Variants in HSP90AA1 observed in about 807,000 individuals in gnomAD.
HSP90AA1 encodes the protein heat shock protein HSP 90-alpha.
Under a neutral mutation model 73.3 loss-of-function variants are expected in HSP90AA1, and 18 were observed. The ratio of observed to expected loss-of-function variants is 0.25; its 90% CI spans 0.17 to 0.36. The LOEUF is 0.36. Among genes scored for constraint, HSP90AA1 ranks in the 10% least tolerant of loss-of-function variants. The probability of loss-of-function intolerance (pLI) is 1.00; values close to 1 mark genes in which losing one functional copy is unlikely to be tolerated. For missense variants in HSP90AA1, 704 were observed against 874.2 expected, an observed-to-expected ratio of 0.81 and a Z score of 2.45; for synonymous variants, 477 against 296.9, an observed-to-expected ratio of 1.61 and a Z score of -6.24.
intron 8 of HSP90AA1, 88 bp downstream of exon 8, chr14:102,083,458 A>T (rs1252168461): frequency 2.1e-6 from 3 of 1,439,036 alleles, no homozygotes; most frequent in South Asian, 1.1e-5. Context: ...TACCAGTTGT[A>T]ACAGTGCTAC....
intron 2 of HSP90AA1, among the ~76,000 whole-genome samples, chr14:102,099,781 TG>T (rs1317512108): frequency 2.6e-5 from 4 of 152,230 alleles, no homozygotes. Flanking sequence ...AGCCCGTTAG[TG>T]CTACTGCCCA....
intron 1 of HSP90AA1, among the ~76,000 whole-genome samples, chr14:102,130,740 G>GT (rs2152626784): frequency 6.6e-6 from 1 of 151,966 alleles, no homozygotes; most frequent in Non-Finnish European, 1.5e-5. Flanking sequence ...GTTAATTTTT[G>GT]TTTTTTTGAG....
At chr14:102,090,206 T>A (rs538109261), upstream of HSP90AA1, among the ~76,000 whole-genome samples, 1 of 152,216 alleles carries the variant, frequency 6.6e-6, no homozygotes, top group African/African-American at 2.4e-5. Context: ...CACCATTCCC[T>A]CTGTTCTTCT....
rs1255249174 is a variant in HSP90AA1 at position 102,083,547 on chromosome 14, T to C, written c.1485A>G (p.Thr495=). 3 of 1,613,298 alleles carry C rather than the reference T, an allele frequency of 1.9e-6. No homozygotes were observed. The highest frequency in any genetic ancestry group is 1.7e-5 in the Admixed American group (1 of 60,002). ...KENQKHIYYI[T]GETKDQVANS... is the part of the protein sequence containing the mutation. The stretch of plus-strand genomic sequence containing the variant: ...GACTGTAACATAGTGTTCTCTTACC[T>C]GTGATATAATAGATATGTTTCTGGT... Residue 495 remains threonine, a splice_region_variant and synonymous_variant, in exon 8 of 11, where the codon ACA becomes ACG. Transcript: ENST00000216281.
chr14:102,090,156 C>T (rs1164975862), upstream of HSP90AA1, among the ~76,000 whole-genome samples: 1 of 152,206 alleles, frequency 6.6e-6, no homozygotes, highest in Non-Finnish European at 1.5e-5. Flanking sequence ...CATGACTCGC[C>T]CCCACGAGGC....
At chr14:102,133,582 C>T (rs1344902453) in intron 1 of HSP90AA1, among the ~76,000 whole-genome samples, 2 of 149,928 alleles carry the variant, frequency 1.3e-5, no homozygotes, top group South Asian at 2.1e-4. Context: ...CTCCCAGGTT[C>T]AAGTGATTCT....
At position 102,083,232 on chromosome 14, in the gene HSP90AA1, G is replaced by C. The variant is rs1431488729; in HGVS notation, c.1557C>G (p.Ile519Met). The C allele has an allele frequency of 3.1e-6, 5 of 1,613,876 alleles. No homozygotes were observed. Among genetic ancestry groups the C allele is most frequent in the Non-Finnish European group, 4.2e-6 (5 of 1,179,958 alleles). Reference protein sequence around the residue: ...ERLRKHGLEVIYMIEPIDEYC... With the variant: ...ERLRKHGLEVMYMIEPIDEYC... ...ACTCATCAATGGGCTCAATCATATA[G>C]ATCACTTCTAAGCCATGTTTCCGAA... The change falls in exon 9 of 11, where the codon ATC (isoleucine) becomes ATG (methionine). Residue 519 changes from isoleucine (I) to methionine (M), a missense_variant. Ile to Met is a conservative substitution (Grantham distance 10). Coordinates refer to ENST00000216281, the MANE Select transcript of HSP90AA1 (RefSeq NM_005348.4).
At chr14:102,095,787 G>A (rs530647075) in intron 2 of HSP90AA1, among the ~76,000 whole-genome samples, 2 of 152,238 alleles carry the variant, frequency 1.3e-5, no homozygotes, top group Admixed American at 6.5e-5. Context: ...CTTTCTCTCT[G>A]TGCTTAGGGT....
rs2049626913 is a variant in HSP90AA1 at position 102,110,546 on chromosome 14, A to G, written c.156-8461T>C. Among the ~76,000 whole-genome samples, 3 of 151,172 alleles carry G rather than the reference A, an allele frequency of 2.0e-5. No individual in the cohort carries two copies. The South Asian group carries it at 6.3e-4, about 32-fold the overall frequency. ...GCAATTCTCCTGCCTCAGCCTCCCA[A>G]GCAGCTGGGATTACAGGCGCCCACC... On this transcript the variant is annotated intron_variant, in intron 1 of 11. Coordinates refer to the HSP90AA1 transcript ENST00000334701.
At chr14:102,137,574 C>T (rs1034590345) in intron 1 of HSP90AA1, among the ~76,000 whole-genome samples, 3 of 151,972 alleles carry the variant, frequency 2.0e-5, no homozygotes, top group African/African-American at 4.8e-5. Flanking sequence ...CTGCCCGCCT[C>T]GGCCTCCCAA....
intron 1 of HSP90AA1, among the ~76,000 whole-genome samples, chr14:102,118,677 C>T (rs2077411448): frequency 6.6e-6 from 1 of 152,054 alleles, no homozygotes; most frequent in African/African-American, 2.4e-5. Flanking sequence ...AAATCACATA[C>T]AAAATTCTTA....
chr14:102,127,091 A>G (rs2049849143), intron 1 of HSP90AA1, among the ~76,000 whole-genome samples: 1 of 150,958 alleles, frequency 6.6e-6, no homozygotes, highest in African/African-American at 2.4e-5. Context: ...ATAAGTACTT[A>G]TAATTATATA....
At chr14:102,126,235 T>C (rs766400506) in intron 1 of HSP90AA1, among the ~76,000 whole-genome samples, 8 of 152,220 alleles carry the variant, frequency 5.3e-5, no homozygotes, top group Admixed American at 2.6e-4. Flanking sequence ...ATCTCACTTA[T>C]GCAAAAGCAT....
At chr14:102,105,984 G>T (rs570529874) in intron 1 of HSP90AA1, among the ~76,000 whole-genome samples, 1 of 152,220 alleles carries the variant, frequency 6.6e-6, no homozygotes, top group South Asian at 2.1e-4. Flanking sequence ...GCTGAGGCAG[G>T]AGAATTGCTT....
chr14:102,137,394 C>T (rs2050015777), intron 1 of HSP90AA1, among the ~76,000 whole-genome samples: 1 of 151,922 alleles, frequency 6.6e-6, no homozygotes, highest in South Asian at 2.1e-4. Flanking sequence ...GGTGCCATCT[C>T]GGCTCATTGC....
intron 2 of HSP90AA1, among the ~76,000 whole-genome samples, chr14:102,101,233 A>G (rs1388448915): frequency 6.6e-6 from 1 of 152,226 alleles, no homozygotes; most frequent in Non-Finnish European, 1.5e-5. Flanking sequence ...CAGAAGGAAC[A>G]CAGATGAATG....
chr14:102,139,226 C>A (rs780350898), intron 1 of HSP90AA1: 18 of 1,613,784 alleles, frequency 1.1e-5, no homozygotes, highest in Non-Finnish European at 1.5e-5. Context: ...CATAGTGAAG[C>A]GTAAATCTTG....
Position 102,081,181 on chromosome 14 carries a change from T to TC in HSP90AA1, c.*530dup, listed in dbSNP as rs1162015542. 1 of 235,416 alleles carries TC rather than the reference T, an allele frequency of 4.2e-6. No individual in the cohort carries two copies. Among genetic ancestry groups the TC allele is most frequent in the African/African-American group, 2.2e-5 (1 of 44,960 alleles). The allele number at this position is 235,416 out of a possible 1,614,324, so 14.6% of individuals were successfully genotyped here. A position where few individuals can be genotyped will look rare whatever the true frequency, so the allele number is the denominator to read the frequency against. ...TGCTTAGGTAGGCTTTTAACTTTGC[T>TC]CCTCCAAACAATACTTTTCTTTGGA... is the stretch of plus-strand genomic sequence containing the variant. On this transcript the variant is annotated 3_prime_UTR_variant, in exon 11 of 11. Coordinates refer to ENST00000216281, the MANE Select transcript of HSP90AA1 (RefSeq NM_005348.4).
intron 1 of HSP90AA1, among the ~76,000 whole-genome samples, chr14:102,126,296 TAAGGG>T (rs2152625512): frequency 6.6e-6 from 1 of 152,168 alleles, no homozygotes; most frequent in East Asian, 1.9e-4. Context: ...CATAGCTCAG[TAAGGG>T]GACACGTGGA....
Sources: allele counts gnomAD v4.1 joint callset (sites outside exome capture counted in the v4.1 genomes callset), GRCh38; gene constraint gnomAD v4.1.1; transcripts MANE v1.5; gene names NCBI Gene and HGNC (gene_info 2026-07-23, HGNC 2026-07-21).